SEPHS1: variants seen among roughly 807,000 people sequenced by gnomAD.
SEPHS1 encodes selenophosphate synthetase 1.
SEPHS1 carries 7 observed loss-of-function variants against 39.2 expected under a neutral mutation model. The ratio of observed to expected loss-of-function variants is 0.18; its 90% CI spans 0.10 to 0.34. The LOEUF (loss-of-function observed/expected upper bound fraction) is 0.34, where lower values mean the gene tolerates loss of function less well. Among genes scored for constraint, SEPHS1 ranks in the 10% least tolerant of loss-of-function variants. The probability of loss-of-function intolerance (pLI) is 1.00; values close to 1 mark genes in which losing one functional copy is unlikely to be tolerated. For synonymous variants in SEPHS1, 190 were observed against 195.5 expected, an observed-to-expected ratio of 0.97 and a Z score of 0.23; for missense variants, 253 against 514.5, an observed-to-expected ratio of 0.49 and a Z score of 4.92.
intron 8 of SEPHS1, among the ~76,000 whole-genome samples, chr10:13,320,592 C>T: frequency 6.6e-6 from 1 of 151,886 alleles, no homozygotes; most frequent in East Asian, 2.0e-4. Context: ...GTAATCCCAG[C>T]ACTTTGGGAG....
intron 7 of SEPHS1, among the ~76,000 whole-genome samples, chr10:13,327,240 CAAAAAAAAAAAA>C (rs34788028): frequency 1.2e-5 from 1 of 82,798 alleles, no homozygotes; most frequent in African/African-American, 5.3e-5. Context: ...GATTCTGTCT[CAAAAAAAAAAAA>C]AAAAAAAAAA....
chr10:13,328,474 GGAGAGAAA>G (rs1564446172), intron 6 of SEPHS1, 24 bp from the exon 7 acceptor site: 4 of 1,496,406 alleles, frequency 2.7e-6, no homozygotes, highest in Non-Finnish European at 9.3e-7. Context: ...TGTAGGTGAG[GGAGAGAAA>G]GAGAGGAAAA....
In SEPHS1 at chr10:13,317,491, G is replaced by GACC. The variant is rs1424278905; in HGVS notation, c.*1648_*1650dup. 2.0e-5 allele frequency: 3 copies of GACC among 151,896 alleles called. No homozygotes were observed. The East Asian group carries it at 5.8e-4, about 29-fold the overall frequency. 9.4% of individuals were successfully genotyped at this position (151,896 alleles called of 1,614,324 possible). The stretch of plus-strand genomic sequence containing the variant: ...AGACCACTGGTTTGTAGCTTTTGAG[G>GACC]ACCAACATCTCTATCAATTCCTATA... On this transcript the variant is annotated 3_prime_UTR_variant, in exon 9 of 9. Coordinates refer to ENST00000327347, the MANE Select transcript of SEPHS1 (RefSeq NM_012247.5).
intron 3 of SEPHS1, 116 bp downstream of exon 3, chr10:13,338,589 T>A: frequency 1.3e-6 from 1 of 766,832 alleles, no homozygotes; most frequent in Non-Finnish European, 2.2e-6. Flanking sequence ...GGCAGTATAG[T>A]CGGGATATAA....
chr10:13,321,253 CTT>C (rs35387458), intron 8 of SEPHS1, among the ~76,000 whole-genome samples: 1 of 148,666 alleles, frequency 6.7e-6, no homozygotes, highest in Admixed American at 6.7e-5. Context: ...GTGTATTTTT[CTT>C]TTTTTTTTTG....
At chr10:13,324,216 T>C (rs1833194595) in intron 7 of SEPHS1, among the ~76,000 whole-genome samples, 1 of 152,212 alleles carries the variant, frequency 6.6e-6, no homozygotes, top group African/African-American at 2.4e-5. Context: ...CACTTAGTAA[T>C]ATGCACTTAA....
At chr10:13,337,830 C>A (rs556840590) in intron 3 of SEPHS1, among the ~76,000 whole-genome samples, 2 of 152,262 alleles carry the variant, frequency 1.3e-5, no homozygotes, top group Admixed American at 1.3e-4. Context: ...GACAGATGTG[C>A]GGAAGAAATA....
chr10:13,320,565 C>T (rs987792126), intron 8 of SEPHS1, among the ~76,000 whole-genome samples: 1 of 151,852 alleles, frequency 6.6e-6, no homozygotes, highest in Non-Finnish European at 1.5e-5. Flanking sequence ...TGTGGCTGGG[C>T]ATGGTGGGTC....
chr10:13,322,697 C>G (rs1367855926), intron 8 of SEPHS1, 138 bp downstream of exon 8: 21 of 765,626 alleles, frequency 2.7e-5, no homozygotes, highest in Non-Finnish European at 4.2e-5. Flanking sequence ...GGAAAGGCAC[C>G]AGCTGCTGCG....
At position 13,328,458 on chromosome 10, in the gene SEPHS1, T is replaced by C. The variant is rs181991091; in HGVS notation, c.652-8A>G. Reference sequence around the variant, plus strand: ...CTTATTCCATTTCTCAGGCTGATAATAGAAATGTAGGTGAGGGAGAGAAAG... The same window carrying C: ...CTTATTCCATTTCTCAGGCTGATAACAGAAATGTAGGTGAGGGAGAGAAAG... On this transcript the variant is annotated splice_region_variant and splice_polypyrimidine_tract_variant and intron_variant, in intron 6 of 8. Transcript: ENST00000327347. The C allele has an allele frequency of 6.7e-4, 1,055 of 1,576,012 alleles. 3 individuals carry two copies. Among genetic ancestry groups the C allele is most frequent in the Non-Finnish European group, 8.8e-4 (1,006 of 1,146,402 alleles).
chr10:13,337,162 A>C (rs1025485956), intron 3 of SEPHS1, among the ~76,000 whole-genome samples: 5 of 152,262 alleles, frequency 3.3e-5, no homozygotes, highest in South Asian at 2.1e-4. Context: ...ACAACAACAA[A>C]AAAAAAACAA....
intron 8 of SEPHS1, 142 bp from the exon 9 acceptor site, chr10:13,319,498 CT>C (rs35374518): frequency 1.2e-4 from 98 of 826,958 alleles, no homozygotes; most frequent in Middle Eastern, 2.7e-4. Context: ...AACTAAGCAG[CT>C]TTTTTTTGAG....
At chr10:13,328,330 C>T (rs771314952) in intron 7 of SEPHS1, 21 bp downstream of exon 7, 18 of 1,524,504 alleles carry the variant, frequency 1.2e-5, no homozygotes, top group Admixed American at 6.8e-5. Flanking sequence ...GGGACCGAAG[C>T]GCCCTTCCCA....
chr10:13,337,938 C>T (rs1165625085), intron 3 of SEPHS1, among the ~76,000 whole-genome samples: 1 of 152,218 alleles, frequency 6.6e-6, no homozygotes, highest in Non-Finnish European at 1.5e-5. Flanking sequence ...CAGCCTGATC[C>T]CACTGTCCTT....
intron 7 of SEPHS1, among the ~76,000 whole-genome samples, chr10:13,323,480 G>A (rs756446642): frequency 6.6e-6 from 1 of 151,916 alleles, no homozygotes; most frequent in Non-Finnish European, 1.5e-5. Context: ...TCAGCCTCCT[G>A]AATAGCTGGG....
chr10:13,323,450 G>A (rs535059416), intron 7 of SEPHS1, among the ~76,000 whole-genome samples: 3 of 152,188 alleles, frequency 2.0e-5, no homozygotes, highest in Non-Finnish European at 4.4e-5. Flanking sequence ...TGCCTCCAGG[G>A]CTCAAGTGAT....
rs574265126 is a variant in SEPHS1 at position 13,344,629 on chromosome 10, T to C, written c.193+129A>G. ...TATTCATGTAACAAAACTGCATGTG[T>C]ATTCCTCAAATCTATAAAAGCAAAA... On this transcript the variant is annotated intron_variant, in intron 2 of 8. Coordinates refer to ENST00000327347, the MANE Select transcript of SEPHS1 (RefSeq NM_012247.5). The C allele has an allele frequency of 1.8e-5, 11 of 612,400 alleles. No individual in the cohort carries two copies. The South Asian group carries it at 3.9e-4, about 22-fold the overall frequency. The allele number at this position is 612,400 out of a possible 1,614,324, so 37.9% of individuals were successfully genotyped here.
chr10:13,337,738 C>T (rs1398111323), intron 3 of SEPHS1, among the ~76,000 whole-genome samples: 1 of 152,194 alleles, frequency 6.6e-6, no homozygotes, highest in Admixed American at 6.6e-5. Context: ...TGGTTTTAGC[C>T]ATCCCTGCCA....
chr10:13,344,093 C>G (rs1489984820), intron 2 of SEPHS1, among the ~76,000 whole-genome samples: 4 of 152,126 alleles, frequency 2.6e-5, no homozygotes, highest in Non-Finnish European at 5.9e-5. Flanking sequence ...ACAGATCCAT[C>G]CAGTCCTGGG....
Sources: allele counts gnomAD v4.1 joint callset (sites outside exome capture counted in the v4.1 genomes callset), GRCh38; gene constraint gnomAD v4.1.1; transcripts MANE v1.5; gene names NCBI Gene and HGNC (gene_info 2026-07-23, HGNC 2026-07-21).